Variants in GPR83 observed in about 807,000 individuals in gnomAD.
The protein encoded by GPR83 is G-protein coupled receptor 72.
In GPR83, 23 loss-of-function variants were observed where a neutral mutation model predicts 28.0. That is an observed-to-expected ratio of 0.82 (90% CI 0.59 to 1.16). The LOEUF (loss-of-function observed/expected upper bound fraction) is 1.16, where lower values mean the gene tolerates loss of function less well. Ranked by LOEUF, GPR83 falls within the 50% of genes most tolerant of loss-of-function variation. The pLI is 0.00. For missense variants in GPR83, 610 were observed against 536.6 expected (o/e 1.14, Z -1.35); for synonymous variants, 234 against 215.4 (o/e 1.09, Z -0.76).
chr11:94,383,668 C>T (rs1944716749), intron 3 of GPR83, among the ~76,000 whole-genome samples: 1 of 152,132 alleles, frequency 6.6e-6, no homozygotes, highest in South Asian at 2.1e-4. Context: ...ACTGATCCCA[C>T]AGAAATACAA....
rs1441721480 is a variant in GPR83 at position 94,401,190 on chromosome 11, G to A, written c.58C>T (p.His20Tyr). 6.8e-6 allele frequency: 11 copies of A among 1,613,118 alleles called. No homozygotes were observed. Among genetic ancestry groups the A allele is most frequent in the Non-Finnish European group, 9.3e-6 (11 of 1,179,688 alleles). The change falls in exon 1 of 4, where the codon CAC becomes TAC. Residue 20 changes from histidine (H) to tyrosine (Y), a missense_variant. Physicochemically the swap from His to Tyr is moderately conservative, Grantham distance 83. Coordinates refer to ENST00000243673, the MANE Select transcript of GPR83 (RefSeq NM_016540.4). ...CTCTGCTCGTCGGCCCGGCCCTCGT[G>A]GGGCTCGGTGGCTCGCACCAAGGGG... ...LLPLVRATEP[H>Y]EGRADEQSAE... is the part of the protein sequence containing the mutation.
intron 1 of GPR83, 40 bp downstream of exon 1, chr11:94,400,821 C>T (rs754369605): frequency 2.6e-5 from 41 of 1,593,722 alleles, no homozygotes; most frequent in Non-Finnish European, 3.4e-5. Context: ...GAAAGGGAGA[C>T]GAAGACAGAA....
In GPR83 at chr11:94,378,365, A is replaced by G. The variant is rs780616177; in HGVS notation, c.*1784T>C. 1.3e-5 allele frequency: 2 copies of G among 152,180 alleles called. No individual in the cohort carries two copies. Among genetic ancestry groups the G allele is most frequent in the Non-Finnish European group, 2.9e-5 (2 of 68,040 alleles). The allele number at this position is 152,180 out of a possible 1,614,324, so 9.4% of individuals were successfully genotyped here. A position where few individuals can be genotyped will look rare whatever the true frequency, so the allele number is the denominator to read the frequency against. On this transcript the variant is annotated 3_prime_UTR_variant, in exon 4 of 4. Coordinates refer to ENST00000243673, the MANE Select transcript of GPR83 (RefSeq NM_016540.4). ...CTACTGAGCTCATATCCATGCTTTGATTTCAGAGTTTATCTGGTGCTAGAA... is the reference window on the plus strand; with the variant it reads ...CTACTGAGCTCATATCCATGCTTTGGTTTCAGAGTTTATCTGGTGCTAGAA...
chr11:94,400,768 G>T, intron 1 of GPR83, 93 bp downstream of exon 1: 1 of 1,155,736 alleles, frequency 8.7e-7, no homozygotes, highest in Non-Finnish European at 1.3e-6. Context: ...GGGACCCACA[G>T]GGAGACGCAG....
chr11:94,379,688 G>A lies in GPR83; in HGVS notation c.*461C>T, dbSNP rs7937559. The stretch of plus-strand genomic sequence containing the variant: ...GTGAGGCATAAAAATCTCCACGCCC[G>A]CTCTGGCTTGCTGGCATTTCCCTGG... On this transcript the variant is annotated 3_prime_UTR_variant, in exon 4 of 4. Coordinates refer to ENST00000243673, the MANE Select transcript of GPR83 (RefSeq NM_016540.4). 3.5e-3 allele frequency: 544 copies of A among 153,458 alleles called. 5 individuals carry two copies. The highest frequency in any genetic ancestry group is 0.012 in the African/African-American group (516 of 41,604). 9.5% of individuals were successfully genotyped at this position (153,458 alleles called of 1,614,324 possible).
rs779341861 is a variant in GPR83 at position 94,401,196 on chromosome 11, C to G, written c.52G>C (p.Glu18Gln). ...LCLLPLVRATEPHEGRADEQS... is the reference protein window; with the variant it reads ...LCLLPLVRATQPHEGRADEQS... ...TCGTCGGCCCGGCCCTCGTGGGGCTCGGTGGCTCGCACCAAGGGGAGGAGA... is the reference window on the plus strand; with the variant it reads ...TCGTCGGCCCGGCCCTCGTGGGGCTGGGTGGCTCGCACCAAGGGGAGGAGA... The change falls in exon 1 of 4, where the codon GAG becomes CAG. Residue 18 changes from glutamate to glutamine, a missense_variant. By Grantham distance (29) the Glu-to-Gln change is conservative (BLOSUM62 2). Coordinates refer to ENST00000243673, the MANE Select transcript of GPR83 (RefSeq NM_016540.4). 8.1e-6 allele frequency: 13 copies of G among 1,612,910 alleles called. No individual in the cohort carries two copies. The highest frequency in any genetic ancestry group is 1.1e-5 in the Non-Finnish European group (13 of 1,179,630).
At chr11:94,383,162 G>GAA (rs796409610) in intron 3 of GPR83, among the ~76,000 whole-genome samples, 2 of 119,170 alleles carry the variant, frequency 1.7e-5, no homozygotes, top group Admixed American at 8.5e-5. Flanking sequence ...AACAAAAAAA[G>GAA]AAAAAAAAAA....
At chr11:94,386,268 G>A (rs370813172) in intron 3 of GPR83, among the ~76,000 whole-genome samples, 2 of 152,128 alleles carry the variant, frequency 1.3e-5, no homozygotes, top group Non-Finnish European at 2.9e-5. Flanking sequence ...AGACCATTGA[G>A]GCTAGGAAGA....
intron 3 of GPR83, among the ~76,000 whole-genome samples, chr11:94,388,277 C>G (rs1287334337): frequency 6.6e-6 from 1 of 152,184 alleles, no homozygotes; most frequent in African/African-American, 2.4e-5. Context: ...CAGGCATGCC[C>G]TCTCTCACCA....
At chr11:94,389,329 CT>C (rs1944791683) in intron 3 of GPR83, among the ~76,000 whole-genome samples, 1 of 152,166 alleles carries the variant, frequency 6.6e-6, no homozygotes, top group African/African-American at 2.4e-5. Flanking sequence ...CAAATGGGAT[CT>C]AATTAAACTA....
chr11:94,394,160 G>A (rs1482647648), intron 2 of GPR83, among the ~76,000 whole-genome samples: 1 of 152,138 alleles, frequency 6.6e-6, no homozygotes, highest in African/African-American at 2.4e-5. Context: ...CCCACGGTCA[G>A]CCCCCACCTC....
At chr11:94,392,706 A>G (rs1175230534) in intron 3 of GPR83, among the ~76,000 whole-genome samples, 4 of 152,072 alleles carry the variant, frequency 2.6e-5, no homozygotes, top group African/African-American at 9.7e-5. Flanking sequence ...CGTGCCTGTA[A>G]TCCCAGCTAC....
chr11:94,380,580 A>C lies in GPR83; in HGVS notation c.841T>G (p.Phe281Val), dbSNP rs1944676754. The C allele has an allele frequency of 6.2e-7, 1 of 1,614,170 alleles. No homozygotes were observed. The highest frequency in any genetic ancestry group is 2.2e-5 in the East Asian group (1 of 44,872). The change falls in exon 4 of 4, where the codon TTT becomes GTT. Residue 281 changes from phenylalanine to valine, a missense_variant. By Grantham distance (50) the Phe-to-Val change is conservative (BLOSUM62 -1). Transcript: ENST00000243673. ...TTCTTCTTTTTGCGCCGCAGGGCAAAGTACTGCTCTGTGGTCACATCGCCA... is the reference window on the plus strand; with the variant it reads ...TTCTTCTTTTTGCGCCGCAGGGCAACGTACTGCTCTGTGGTCACATCGCCA... ...MIGDVTTEQY[F>V]ALRRKKKKTI...
At position 94,393,605 on chromosome 11, in the gene GPR83, G is replaced by C; in HGVS notation, c.527C>G (p.Pro176Arg). 1 of 1,613,970 alleles carries C rather than the reference G, an allele frequency of 6.2e-7. No individual in the cohort carries two copies. Among genetic ancestry groups the C allele is most frequent in the Non-Finnish European group, 8.5e-7 (1 of 1,179,900 alleles). Residue 176 changes from proline to arginine, a missense_variant, in exon 3 of 4, where the codon CCC becomes CGC. By Grantham distance (103) the Pro-to-Arg change is moderately radical (BLOSUM62 -2). Coordinates refer to ENST00000243673, the MANE Select transcript of GPR83 (RefSeq NM_016540.4). ...TGTGATTGAGATCCGGGGTTTCAAGGGGTGCATGATGACCTGGAAAACAAG... is the reference window on the plus strand; with the variant it reads ...TGTGATTGAGATCCGGGGTTTCAAGCGGTGCATGATGACCTGGAAAACAAG... ...AVDRHQVIMH[P>R]LKPRISITKG...
chr11:94,392,804 C>A (rs1244215519), intron 3 of GPR83, among the ~76,000 whole-genome samples: 1 of 150,342 alleles, frequency 6.7e-6, no homozygotes, highest in Non-Finnish European at 1.5e-5. Context: ...CCAGCCTGGG[C>A]AATAAAACGA....
chr11:94,400,732 G>A (rs1944903242), intron 1 of GPR83, 129 bp downstream of exon 1: 1 of 737,380 alleles, frequency 1.4e-6, no homozygotes, highest in Non-Finnish European at 2.2e-6. Flanking sequence ...GAAATGAGGA[G>A]GAAGAGAGAT....
chr11:94,392,703 G>A (rs1264330142), intron 3 of GPR83, among the ~76,000 whole-genome samples: 1 of 152,054 alleles, frequency 6.6e-6, no homozygotes, highest in Non-Finnish European at 1.5e-5. Context: ...GTGCGTGCCT[G>A]TAATCCCAGC....
At position 94,380,417 on chromosome 11, in the gene GPR83, A is replaced by G; in HGVS notation, c.1004T>C (p.Met335Thr). The change falls in exon 4 of 4, where the codon ATG (methionine) becomes ACG (threonine). Residue 335 changes from methionine (M) to threonine (T), a missense_variant. Coordinates refer to ENST00000243673, the MANE Select transcript of GPR83 (RefSeq NM_016540.4). ...ALYFAFHWFA[M>T]SSTCYNPFIY... ...GAAGGGGTTATAGCAGGTGCTGCTCATGGCAAACCAGTGGAAGGCAAAGTA... is the reference window on the plus strand; with the variant it reads ...GAAGGGGTTATAGCAGGTGCTGCTCGTGGCAAACCAGTGGAAGGCAAAGTA... The G allele has an allele frequency of 6.2e-7, 1 of 1,614,214 alleles. No homozygotes were observed. The highest frequency in any genetic ancestry group is 1.3e-5 in the African/African-American group (1 of 75,064).
chr11:94,378,714 C>G lies in GPR83; in HGVS notation c.*1435G>C, dbSNP rs1396225215. 1 of 152,622 alleles carries G rather than the reference C, an allele frequency of 6.6e-6. No homozygotes were observed. Among genetic ancestry groups the G allele is most frequent in the Non-Finnish European group, 1.5e-5 (1 of 68,046 alleles). The allele number at this position is 152,622 out of a possible 1,614,324, so 9.5% of individuals were successfully genotyped here. A position where few individuals can be genotyped will look rare whatever the true frequency, so the allele number is the denominator to read the frequency against. On this transcript the variant is annotated 3_prime_UTR_variant, in exon 4 of 4. Coordinates refer to ENST00000243673, the MANE Select transcript of GPR83 (RefSeq NM_016540.4). ...AACACAGCGAAATGGCCTTTCTAGACAGCTTGGGAGGATGAGGTGTCTAAG... is the reference window on the plus strand; with the variant it reads ...AACACAGCGAAATGGCCTTTCTAGAGAGCTTGGGAGGATGAGGTGTCTAAG...
Sources: allele counts gnomAD v4.1 joint callset (sites outside exome capture counted in the v4.1 genomes callset), GRCh38; gene constraint gnomAD v4.1.1; transcripts MANE v1.5; gene names NCBI Gene and HGNC (gene_info 2026-07-23, HGNC 2026-07-21).